PTPRK: variants seen among roughly 807,000 people sequenced by gnomAD.
PTPRK encodes protein tyrosine phosphatase receptor type K.
In PTPRK, 75 loss-of-function variants were observed where a neutral mutation model predicts 178.0. That is an observed-to-expected ratio of 0.42 (90% CI 0.35 to 0.51). The LOEUF (loss-of-function observed/expected upper bound fraction) is 0.51, where lower values mean the gene tolerates loss of function less well. PTPRK is among the 20% of genes least tolerant of loss of function. The pLI is 0.02. For missense variants in PTPRK, 1,441 were observed against 1,797.8 expected, an observed-to-expected ratio of 0.80 and a Z score of 3.59; for synonymous variants, 637 against 620.6, an observed-to-expected ratio of 1.03 and a Z score of -0.39.
At chr6:128,496,572 T>A (rs1854691726) in intron 1 of PTPRK, among the ~76,000 whole-genome samples, 3 of 152,202 alleles carry the variant, frequency 2.0e-5, no homozygotes, top group Admixed American at 6.5e-5. Flanking sequence ...CAGGTCCAGA[T>A]GTTATCCTTA....
chr6:128,088,382 A>G (rs561869583), intron 8 of PTPRK, among the ~76,000 whole-genome samples: 134 of 152,018 alleles, frequency 8.8e-4, no homozygotes, highest in Admixed American at 3.3e-3. Flanking sequence ...TTCAAAAAAA[A>G]AAAAGAAAAG....
At chr6:128,374,968 G>A (rs2128351164) in intron 2 of PTPRK, among the ~76,000 whole-genome samples, 1 of 151,788 alleles carries the variant, frequency 6.6e-6, no homozygotes, top group South Asian at 2.1e-4. Flanking sequence ...TGATCCCTAT[G>A]CCTGGAATGC....
intron 1 of PTPRK, among the ~76,000 whole-genome samples, chr6:128,456,148 C>T (rs541849812): frequency 2.8e-4 from 42 of 152,130 alleles, no homozygotes; most frequent in African/African-American, 9.6e-4. Flanking sequence ...GGGGTGACAT[C>T]ATCGATACTC....
intron 1 of PTPRK, among the ~76,000 whole-genome samples, chr6:128,400,204 A>C: frequency 6.6e-6 from 1 of 152,250 alleles, no homozygotes; most frequent in African/African-American, 2.4e-5. Flanking sequence ...AGAACATTAA[A>C]GAATTGGCTA....
intron 5 of PTPRK, among the ~76,000 whole-genome samples, chr6:128,219,400 TCA>T (rs2128272098): frequency 6.6e-6 from 1 of 152,314 alleles, no homozygotes; most frequent in South Asian, 2.1e-4. Flanking sequence ...TCACAGGCAC[TCA>T]CAGCCTAGAT....
At chr6:128,316,155 T>G (rs949486865) in intron 3 of PTPRK, among the ~76,000 whole-genome samples, 16 of 152,198 alleles carry the variant, frequency 1.1e-4, no homozygotes, top group African/African-American at 3.4e-4. Flanking sequence ...CGCTAAATAA[T>G]TAATAAAGAA....
chr6:128,358,613 A>G (rs1479651340), intron 2 of PTPRK, among the ~76,000 whole-genome samples: 3 of 152,244 alleles, frequency 2.0e-5, no homozygotes, highest in East Asian at 1.9e-4. Context: ...TGGACAGTAC[A>G]GTACAATAAC....
intron 13 of PTPRK, among the ~76,000 whole-genome samples, chr6:128,057,052 G>A (rs1379793259): frequency 6.6e-6 from 1 of 152,118 alleles, no homozygotes; most frequent in Non-Finnish European, 1.5e-5. Context: ...CAGGCTATGG[G>A]TGACTTTATC....
chr6:128,350,085 T>C (rs1584297918), intron 2 of PTPRK, among the ~76,000 whole-genome samples: 2 of 152,122 alleles, frequency 1.3e-5, no homozygotes, highest in African/African-American at 4.8e-5. Context: ...TCCATGTCTA[T>C]GGACTGATAC....
At chr6:128,189,479 TCCTC>T (rs1013551176) in intron 6 of PTPRK, among the ~76,000 whole-genome samples, 1 of 151,808 alleles carries the variant, frequency 6.6e-6, no homozygotes, top group African/African-American at 2.4e-5. Context: ...GACCTTGTGA[TCCTC>T]CCACCTCGGC....
At chr6:128,255,785 C>T (rs144507333) in intron 3 of PTPRK, among the ~76,000 whole-genome samples, 11 of 152,320 alleles carry the variant, frequency 7.2e-5, no homozygotes, top group African/African-American at 2.6e-4. Context: ...TTTCAGAGCT[C>T]CTGCAGGTGA....
chr6:128,275,486 G>A (rs1820579772), intron 3 of PTPRK, among the ~76,000 whole-genome samples: 1 of 151,882 alleles, frequency 6.6e-6, no homozygotes, highest in South Asian at 2.1e-4. Flanking sequence ...TTTCATTTGG[G>A]GTCTATTTGG....
intron 6 of PTPRK, among the ~76,000 whole-genome samples, chr6:128,216,559 G>T (rs1809347134): frequency 6.7e-6 from 1 of 148,360 alleles, no homozygotes; most frequent in Non-Finnish European, 1.5e-5. Context: ...AAAAAAAAAA[G>T]GTCAAAATTT....
intron 3 of PTPRK, among the ~76,000 whole-genome samples, chr6:128,281,430 T>C (rs1179804170): frequency 6.6e-6 from 1 of 152,134 alleles, no homozygotes; most frequent in Non-Finnish European, 1.5e-5. Context: ...TCCAAATGAA[T>C]GTGAAAGGGG....
chr6:128,302,644 T>C (rs1160129888), intron 3 of PTPRK, among the ~76,000 whole-genome samples: 2 of 152,182 alleles, frequency 1.3e-5, no homozygotes, highest in Non-Finnish European at 2.9e-5. Context: ...TACTCAATAT[T>C]GTGGTTTGTA....
rs149030496 is a variant in PTPRK, at chr6:128,138,444, A to G, written c.1162+45988T>C. On this transcript the variant is annotated intron_variant, in intron 7 of 29. Transcript: ENST00000368226. ...AATCCTCTTGAACTCTGATTTATGT[A>G]TGTGACAATTTCATTCCTTATTCAA... Among the ~76,000 whole-genome samples the G allele has an allele frequency of 8.2e-4, 125 of 152,220 alleles. 1 individual carries two copies. The highest frequency in any genetic ancestry group is 2.8e-3 in the African/African-American group (117 of 41,558).
At chr6:128,118,737 C>T (rs935571959) in intron 7 of PTPRK, among the ~76,000 whole-genome samples, 2 of 152,178 alleles carry the variant, frequency 1.3e-5, no homozygotes, top group Non-Finnish European at 2.9e-5. Flanking sequence ...CCAACATTAA[C>T]CTTTTTCCAC....
intron 5 of PTPRK, among the ~76,000 whole-genome samples, chr6:128,227,621 T>G (rs1210841695): frequency 6.6e-6 from 1 of 152,094 alleles, no homozygotes; most frequent in Non-Finnish European, 1.5e-5. Context: ...AGTATCAAGA[T>G]CAAACCCCAC....
Position 128,520,415 on chromosome 6 carries a change from G to A in PTPRK, c.-57C>T. The A allele has an allele frequency of 6.6e-7, 1 of 1,517,350 alleles. No homozygotes were observed. Among genetic ancestry groups the A allele is most frequent in the Non-Finnish European group, 9.0e-7 (1 of 1,114,604 alleles). 94.0% of individuals were successfully genotyped at this position (1,517,350 alleles called of 1,614,324 possible). A position where few individuals can be genotyped will look rare whatever the true frequency, so the allele number is the denominator to read the frequency against. On this transcript the variant is annotated 5_prime_UTR_variant, in exon 1 of 30. Transcript: ENST00000368226. ...GCAAAGAGCTGCCGGGGGGATCGCC[G>A]CGAAATCCACGACGGAGGAGCGGGC...
Sources: allele counts gnomAD v4.1 joint callset (sites outside exome capture counted in the v4.1 genomes callset), GRCh38; gene constraint gnomAD v4.1.1; transcripts MANE v1.5; gene names NCBI Gene and HGNC (gene_info 2026-07-23, HGNC 2026-07-21).